Variants in GRIK2 observed in about 807,000 individuals in gnomAD.
The protein encoded by GRIK2 is glutamate ionotropic receptor kainate type subunit 2.
In GRIK2, 32 loss-of-function variants were observed where a neutral mutation model predicts 100.3. The ratio of observed to expected loss-of-function variants is 0.32; its 90% CI spans 0.24 to 0.43. The LOEUF (loss-of-function observed/expected upper bound fraction) is 0.43. GRIK2 is among the 20% of genes least tolerant of loss of function. The pLI is 1.00. For synonymous variants in GRIK2, 417 were observed against 389.4 expected (o/e 1.07, Z -0.83); for missense variants, 843 against 1,114.9 (o/e 0.76, Z 3.47).
chr6:101,795,989 G>C (rs951241430), intron 7 of GRIK2, among the ~76,000 whole-genome samples: 2 of 152,140 alleles, frequency 1.3e-5, no homozygotes, highest in Non-Finnish European at 2.9e-5. Context: ...ATTATATAGA[G>C]ATTTATGCAT....
At chr6:101,749,006 G>A (rs1776617873) in intron 7 of GRIK2, among the ~76,000 whole-genome samples, 1 of 151,952 alleles carries the variant, frequency 6.6e-6, no homozygotes. Flanking sequence ...ATTGAATTAG[G>A]GCAAAGAAAA....
At chr6:101,905,264 T>A (rs938519591) in intron 12 of GRIK2, among the ~76,000 whole-genome samples, 1 of 151,560 alleles carries the variant, frequency 6.6e-6, no homozygotes, top group African/African-American at 2.4e-5. Context: ...TTAAAATGAA[T>A]GCAATTATCA....
intron 2 of GRIK2, among the ~76,000 whole-genome samples, chr6:101,479,715 G>T (rs1183724888): frequency 1.3e-5 from 2 of 152,036 alleles, no homozygotes; most frequent in East Asian, 3.9e-4. Context: ...GGGGATTTGT[G>T]CATACCATTT....
At chr6:101,478,483 C>T (rs959813884) in intron 2 of GRIK2, among the ~76,000 whole-genome samples, 1 of 143,172 alleles carries the variant, frequency 7.0e-6, no homozygotes, top group South Asian at 2.2e-4. Context: ...AAGGAACAAA[C>T]TTGTTCTTTT....
At chr6:101,498,765 T>G (rs1220944153) in intron 2 of GRIK2, among the ~76,000 whole-genome samples, 2 of 152,182 alleles carry the variant, frequency 1.3e-5, no homozygotes, top group African/African-American at 4.8e-5. Context: ...ATTCTGGATA[T>G]TAGCCCTTTA....
intron 11 of GRIK2, among the ~76,000 whole-genome samples, chr6:101,863,951 C>A (rs1210212568): frequency 2.0e-5 from 3 of 151,434 alleles, no homozygotes; most frequent in African/African-American, 7.3e-5. Context: ...TCCTGGCTAA[C>A]AAGGTGAAAC....
intron 2 of GRIK2, among the ~76,000 whole-genome samples, chr6:101,524,681 C>A (rs968906850): frequency 2.0e-5 from 3 of 150,992 alleles, no homozygotes; most frequent in African/African-American, 7.3e-5. Context: ...GATTCCTCCT[C>A]ACATTAGTCA....
At position 101,943,506 on chromosome 6, in the gene GRIK2, G is replaced by GA. The variant is rs538570826; in HGVS notation, c.2085+14877dup. On this transcript the variant is annotated intron_variant, in intron 14 of 16. Transcript: ENST00000369134. The stretch of plus-strand genomic sequence containing the variant: ...CCACAGACACTCAACACTAGCCCGT[G>GA]AAAGCAGCTGCAGAGGCTGTACCCT... Among the ~76,000 whole-genome samples the GA allele has an allele frequency of 1.6e-4, 25 of 152,312 alleles. No individual in the cohort carries two copies. In the South Asian group the frequency reaches 4.8e-3, roughly 29 times the overall value.
intron 7 of GRIK2, among the ~76,000 whole-genome samples, chr6:101,725,355 T>G (rs544081701): frequency 6.6e-6 from 1 of 152,186 alleles, no homozygotes; most frequent in South Asian, 2.1e-4. Context: ...TATAGAGTCC[T>G]CTCTATTGTA....
chr6:101,996,637 T>C (rs1053792966), intron 14 of GRIK2, among the ~76,000 whole-genome samples: 2 of 152,132 alleles, frequency 1.3e-5, no homozygotes, highest in African/African-American at 4.8e-5. Flanking sequence ...AAACACGTTA[T>C]TGCTGAAGAG....
chr6:101,845,619 A>C (rs1783762001), intron 10 of GRIK2, among the ~76,000 whole-genome samples: 2 of 152,216 alleles, frequency 1.3e-5, no homozygotes, highest in African/African-American at 4.8e-5. Context: ...TCTGCTATGC[A>C]CATTGGTTCA....
In GRIK2 at chr6:101,859,414, T is replaced by C; in HGVS notation, c.1445T>C (p.Leu482Pro). ...CTTGGCTTTACATATGAAATTAGAC[T>C]TGTGGAAGATGGGAAATATGGAGCC... ...TILGFTYEIRLVEDGKYGAQD... is the reference protein window; with the variant it reads ...TILGFTYEIRPVEDGKYGAQD... The change falls in exon 11 of 17, where the codon CTT becomes CCT. Residue 482 changes from leucine (L) to proline (P), a missense_variant. Leu to Pro is a moderately conservative substitution (Grantham distance 98). Around this residue, in one of 3 missense-constraint regions of GRIK2, gnomAD observed 519 missense variants for 643.8 expected, o/e 0.81. Coordinates refer to ENST00000369134, the MANE Select transcript of GRIK2 (RefSeq NM_021956.5). 1 of 1,608,878 alleles carries C rather than the reference T, an allele frequency of 6.2e-7. No individual in the cohort carries two copies. Among genetic ancestry groups the C allele is most frequent in the Middle Eastern group, 1.7e-4 (1 of 6,058 alleles).
chr6:102,065,168 CTAAA>C (rs535380126), intron 16 of GRIK2, among the ~76,000 whole-genome samples: 119 of 151,072 alleles, frequency 7.9e-4, no homozygotes, highest in Non-Finnish European at 1.2e-3. Flanking sequence ...GCTTTGTAAG[CTAAA>C]TAAAGTCTAT....
At chr6:102,062,536 C>T (rs1771806039) in intron 16 of GRIK2, among the ~76,000 whole-genome samples, 1 of 150,488 alleles carries the variant, frequency 6.6e-6, no homozygotes, top group Admixed American at 6.6e-5. Context: ...AAAGATGCTA[C>T]ATGTAAAGTT....
chr6:101,503,635 G>T (rs1359097927), intron 2 of GRIK2, among the ~76,000 whole-genome samples: 7 of 152,138 alleles, frequency 4.6e-5, no homozygotes, highest in African/African-American at 1.7e-4. Flanking sequence ...GTCAAAAGGG[G>T]TAACTTTGTA....
intron 14 of GRIK2, among the ~76,000 whole-genome samples, chr6:101,986,542 A>C (rs1317458183): frequency 3.3e-5 from 5 of 151,926 alleles, no homozygotes; most frequent in Admixed American, 3.3e-4. Context: ...ATTTTAAATG[A>C]TACCATAATG....
At chr6:101,636,322 G>C (rs1781010129) in intron 4 of GRIK2, among the ~76,000 whole-genome samples, 2 of 151,946 alleles carry the variant, frequency 1.3e-5, no homozygotes, top group Non-Finnish European at 2.9e-5. Context: ...GGACACAGAG[G>C]GGGCACATCA....
chr6:101,712,778 G>A (rs1013170880), intron 7 of GRIK2, among the ~76,000 whole-genome samples: 5 of 151,750 alleles, frequency 3.3e-5, no homozygotes, highest in African/African-American at 1.2e-4. Context: ...TTGTTCAACA[G>A]AATACTGTTT....
At chr6:101,755,229 C>T (rs1442867226) in intron 7 of GRIK2, among the ~76,000 whole-genome samples, 3 of 140,122 alleles carry the variant, frequency 2.1e-5, no homozygotes, top group African/African-American at 8.2e-5. Context: ...TGCAGTGGCA[C>T]GATCTCGACT....
Sources: allele counts gnomAD v4.1 joint callset (sites outside exome capture counted in the v4.1 genomes callset), GRCh38; gene constraint gnomAD v4.1.1; regional missense constraint gnomAD v4.1.1; transcripts MANE v1.5; gene names NCBI Gene and HGNC (gene_info 2026-07-23, HGNC 2026-07-21).